DSE: variants seen among roughly 807,000 people sequenced by gnomAD.
DSE encodes dermatan-sulfate epimerase.
A neutral mutation model predicts 84.4 loss-of-function variants in DSE; 36 were observed. The ratio of observed to expected loss-of-function variants is 0.43; its 90% CI spans 0.33 to 0.56. The LOEUF is 0.56. Ranked by LOEUF, DSE falls within the 20% of genes least tolerant of loss-of-function variation. The pLI, the probability that DSE is intolerant of heterozygous loss-of-function variation, is 0.06. For missense variants in DSE, 862 were observed against 1,169.6 expected, an observed-to-expected ratio of 0.74 and a Z score of 3.84; for synonymous variants, 410 against 430.1, an observed-to-expected ratio of 0.95 and a Z score of 0.58.
At chr6:116,296,240 T>C (rs1017748328) in intron 2 of DSE, among the ~76,000 whole-genome samples, 5 of 152,214 alleles carry the variant, frequency 3.3e-5, no homozygotes, top group African/African-American at 1.2e-4. Flanking sequence ...TCATATCTAA[T>C]ACAATGTAAA....
chr6:116,300,548 A>G (rs1173178262), intron 2 of DSE, among the ~76,000 whole-genome samples: 5 of 152,110 alleles, frequency 3.3e-5, no homozygotes, highest in African/African-American at 9.7e-5. Context: ...CATGACATAT[A>G]TTATCTTTCT....
At chr6:116,305,698 C>T (rs1417206992) in intron 2 of DSE, among the ~76,000 whole-genome samples, 2 of 152,004 alleles carry the variant, frequency 1.3e-5, no homozygotes, top group Admixed American at 6.6e-5. Flanking sequence ...AGTGCAATGG[C>T]GTAATCTTGG....
At chr6:116,330,879 A>G (rs986093591) in intron 2 of DSE, among the ~76,000 whole-genome samples, 5 of 152,212 alleles carry the variant, frequency 3.3e-5, no homozygotes, top group Non-Finnish European at 5.9e-5. Context: ...TCATGAACAG[A>G]TATGCTTAAA....
intron 2 of DSE, among the ~76,000 whole-genome samples, chr6:116,351,744 A>G (rs1778322687): frequency 6.6e-6 from 1 of 152,244 alleles, no homozygotes; most frequent in Non-Finnish European, 1.5e-5. Flanking sequence ...TAGTTCAAAT[A>G]AGCAGTCTTT....
At chr6:116,360,815 T>C (rs1387016181) in intron 2 of DSE, among the ~76,000 whole-genome samples, 1 of 152,192 alleles carries the variant, frequency 6.6e-6, no homozygotes, top group African/African-American at 2.4e-5. Flanking sequence ...ATGCCTTGCA[T>C]GCCTTGGGGA....
Position 116,377,670 on chromosome 6 carries a change from T to G in DSE, c.-54+6549T>G, listed in dbSNP as rs150620110. Among the ~76,000 whole-genome samples the G allele has an allele frequency of 3.3e-5, 5 of 152,280 alleles. No homozygotes were observed. The East Asian group carries it at 9.6e-4, about 29-fold the overall frequency. ...TCTGTCACTGAGAAAATTGCCTCAGTGACAAATACTCAGGAATTTCATGAT... is the reference window on the plus strand; with the variant it reads ...TCTGTCACTGAGAAAATTGCCTCAGGGACAAATACTCAGGAATTTCATGAT... On this transcript the variant is annotated intron_variant, in intron 1 of 5. Coordinates refer to ENST00000644252, the MANE Select transcript of DSE (RefSeq NM_013352.4).
intron 2 of DSE, among the ~76,000 whole-genome samples, chr6:116,331,786 GTC>G (rs1776956375): frequency 6.6e-6 from 1 of 152,062 alleles, no homozygotes; most frequent in Admixed American, 6.6e-5. Flanking sequence ...GTGAAACCCT[GTC>G]TCTACTAAAA....
At chr6:116,326,656 C>T (rs1431099852) in intron 2 of DSE, among the ~76,000 whole-genome samples, 3 of 152,166 alleles carry the variant, frequency 2.0e-5, no homozygotes, top group Non-Finnish European at 2.9e-5. Flanking sequence ...TAGGTTCTCT[C>T]TTCATCTGTC....
At chr6:116,292,649 G>T (rs1774363046) in intron 2 of DSE, among the ~76,000 whole-genome samples, 1 of 152,024 alleles carries the variant, frequency 6.6e-6, no homozygotes, top group African/African-American at 2.4e-5. Context: ...TTATTACACT[G>T]AAGTGTTGAG....
rs1784136099 is a variant in DSE at position 116,436,097 on chromosome 6, A to C, written c.1629A>C (p.Gly543=). The change falls in exon 6 of 6, where the codon GGA becomes GGC. Residue 543 remains glycine (G), a synonymous_variant. Transcript: ENST00000644252. The part of the protein sequence containing the change: ...GVVFIRGEGV[G]AYNPQLNLKN... ...TTTTCATCCGAGGAGAAGGTGTGGG[A>C]GCTTATAACCCCCAGCTCAACCTGA... 6.2e-7 allele frequency: 1 copy of C among 1,613,088 alleles called. No homozygotes were observed. Among genetic ancestry groups the C allele is most frequent in the South Asian group, 1.1e-5 (1 of 91,024 alleles).
chr6:116,318,610 T>C (rs1162247889), intron 2 of DSE, among the ~76,000 whole-genome samples: 1 of 152,214 alleles, frequency 6.6e-6, no homozygotes, highest in African/African-American at 2.4e-5. Flanking sequence ...TTTACAACTA[T>C]CTGACTGATA....
At chr6:116,303,702 A>C (rs1775173639) in intron 2 of DSE, among the ~76,000 whole-genome samples, 2 of 152,164 alleles carry the variant, frequency 1.3e-5, no homozygotes, top group Admixed American at 1.3e-4. Flanking sequence ...TATTCTTAAA[A>C]AGCAGTTACA....
At chr6:116,362,316 G>A (rs369073727) in intron 2 of DSE, among the ~76,000 whole-genome samples, 4 of 152,304 alleles carry the variant, frequency 2.6e-5, no homozygotes, top group Non-Finnish European at 5.9e-5. Context: ...ATCTAATTAA[G>A]TAGATCTGGG....
intron 1 of DSE, among the ~76,000 whole-genome samples, chr6:116,372,943 AT>A (rs1313278420): frequency 6.6e-6 from 1 of 152,140 alleles, no homozygotes; most frequent in Non-Finnish European, 1.5e-5. Flanking sequence ...TGACTAGTAT[AT>A]GACGTCAGTA....
In DSE at chr6:116,437,450, T is replaced by C. The variant is rs1784258814; in HGVS notation, c.*105T>C. ...TCAGATTTTTTTCCCTCAGATTCAT[T>C]TTAACAAATTAAGGGAAGATATTTT... On this transcript the variant is annotated 3_prime_UTR_variant, in exon 6 of 6. Coordinates refer to ENST00000644252, the MANE Select transcript of DSE (RefSeq NM_013352.4). The C allele has an allele frequency of 2.1e-5, 22 of 1,066,308 alleles. No individual in the cohort carries two copies. The South Asian group carries it at 4.1e-4, about 20-fold the overall frequency. 66.1% of individuals were successfully genotyped at this position (1,066,308 alleles called of 1,614,324 possible).
Position 116,273,834 on chromosome 6 carries a change from G to GTT in DSE, c.-54+14881_-54+14882dup, listed in dbSNP as rs35845513. 2.8e-3 allele frequency among the ~76,000 whole-genome samples: 385 copies of GTT among 136,904 alleles called. 5 individuals carry two copies. Among genetic ancestry groups the GTT allele is most frequent in the African/African-American group, 6.4e-3 (237 of 36,998 alleles). 89.8% of individuals were successfully genotyped at this position (136,904 alleles called of 152,430 possible). On this transcript the variant is annotated intron_variant, in intron 2 of 3. Transcript: ENST00000430252. The stretch of plus-strand genomic sequence containing the variant: ...TAATTTTCAAAAAGTATGTTTTTTT[G>GTT]TTTTTTTTTTTTTTTGAGACGAAGT...
At chr6:116,260,009 A>G (rs996497914) in intron 2 of DSE, among the ~76,000 whole-genome samples, 4 of 152,218 alleles carry the variant, frequency 2.6e-5, no homozygotes, top group African/African-American at 9.7e-5. Flanking sequence ...ATACCTATTA[A>G]TGGGATTGCT....
At chr6:116,338,232 T>C (rs1474090905) in intron 2 of DSE, among the ~76,000 whole-genome samples, 1 of 145,632 alleles carries the variant, frequency 6.9e-6, no homozygotes, top group Non-Finnish European at 1.5e-5. Context: ...TTTTTTTTTT[T>C]TTTTTTTTTG....
At chr6:116,310,766 C>T (rs1318313584) in intron 2 of DSE, among the ~76,000 whole-genome samples, 1 of 152,212 alleles carries the variant, frequency 6.6e-6, no homozygotes, top group African/African-American at 2.4e-5. Flanking sequence ...TTCCACTGAT[C>T]CTCCTCATAG....
Sources: allele counts gnomAD v4.1 joint callset (sites outside exome capture counted in the v4.1 genomes callset), GRCh38; gene constraint gnomAD v4.1.1; transcripts MANE v1.5; gene names NCBI Gene and HGNC (gene_info 2026-07-23, HGNC 2026-07-21).